Variants in WDR89 observed in about 807,000 individuals in gnomAD.
WDR89 encodes WD repeat domain 89.
Under a neutral mutation model 29.1 loss-of-function variants are expected in WDR89, and 17 were observed. The ratio of observed to expected loss-of-function variants is 0.58; its 90% CI spans 0.40 to 0.88. The LOEUF (loss-of-function observed/expected upper bound fraction) is 0.88, where lower values mean the gene tolerates loss of function less well. Ranked by LOEUF, WDR89 falls within the 40% of genes least tolerant of loss-of-function variation. WDR89 has a pLI of 0.00. For missense variants in WDR89, 396 were observed against 456.3 expected (o/e 0.87, Z 1.20); for synonymous variants, 138 against 157.8 (o/e 0.87, Z 0.94).
chr14:63,602,892 G>A (rs935301099), intron 2 of WDR89, among the ~76,000 whole-genome samples: 1 of 152,012 alleles, frequency 6.6e-6, no homozygotes, highest in Non-Finnish European at 1.5e-5. Flanking sequence ...ATATTAGTAA[G>A]TTGGATTTGG....
rs1228867066 is a variant in WDR89, at chr14:63,598,452, C to G, written c.*327G>C. ...ACTGGGCTTAAAAAATGCAGCCAAC[C>G]ACCTGTTTTATTAAGTTTTACCAAG... is the stretch of plus-strand genomic sequence containing the variant. On this transcript the variant is annotated 3_prime_UTR_variant, in exon 3 of 3. Coordinates refer to ENST00000620954, the MANE Select transcript of WDR89 (RefSeq NM_080666.4). The G allele has an allele frequency of 1.1e-5, 2 of 182,306 alleles. No individual in the cohort carries two copies. The highest frequency in any genetic ancestry group is 1.2e-4 in the Admixed American group (2 of 16,732). 11.3% of individuals were successfully genotyped at this position (182,306 alleles called of 1,614,324 possible).
At chr14:63,623,197 C>CAAAAAAAA (rs35075730) in intron 2 of WDR89, among the ~76,000 whole-genome samples, 1 of 71,750 alleles carries the variant, frequency 1.4e-5, no homozygotes, top group Non-Finnish European at 3.2e-5. Flanking sequence ...AACCAGGTCT[C>CAAAAAAAA]AAAAAAAAAA....
At chr14:63,631,472 C>A (rs983273358) in intron 1 of WDR89, among the ~76,000 whole-genome samples, 1 of 151,966 alleles carries the variant, frequency 6.6e-6, no homozygotes, top group Non-Finnish European at 1.5e-5. Context: ...CTCAAGCAAT[C>A]GTGCCACCTC....
At position 63,636,846 on chromosome 14, in the gene WDR89, T is replaced by C. The variant is rs529346195; in HGVS notation, c.-138+4958A>G. Among the ~76,000 whole-genome samples the C allele has an allele frequency of 9.8e-5, 15 of 152,310 alleles. No homozygotes were observed. The East Asian group carries it at 1.4e-3, about 14-fold the overall frequency. Reference sequence around the variant, plus strand: ...AACATTGGAAAAACCCTTCTAGACATTGGCTTAGGCAAGGATTTCATGACC... The same window carrying C: ...AACATTGGAAAAACCCTTCTAGACACTGGCTTAGGCAAGGATTTCATGACC... On this transcript the variant is annotated intron_variant, in intron 1 of 2. Coordinates refer to ENST00000620954, the MANE Select transcript of WDR89 (RefSeq NM_080666.4).
At chr14:63,633,475 A>G (rs1883536498) in intron 1 of WDR89, among the ~76,000 whole-genome samples, 2 of 152,228 alleles carry the variant, frequency 1.3e-5, no homozygotes, top group African/African-American at 2.4e-5. Flanking sequence ...CTCAGACAAT[A>G]AAGCAATATT....
chr14:63,622,377 C>A (rs369662556), intron 2 of WDR89, among the ~76,000 whole-genome samples: 3 of 151,742 alleles, frequency 2.0e-5, no homozygotes, highest in African/African-American at 7.3e-5. Context: ...GTCAGGAGTT[C>A]GAGACCAGCC....
chr14:63,602,686 C>T (rs1222110777), intron 2 of WDR89, among the ~76,000 whole-genome samples: 9 of 150,994 alleles, frequency 6.0e-5, no homozygotes, highest in African/African-American at 1.7e-4. Flanking sequence ...GCAGGAGAAT[C>T]GCTTGAACCC....
At chr14:63,626,159 T>C (rs80229757) in intron 1 of WDR89, among the ~76,000 whole-genome samples, 11,956 of 151,844 alleles carry the variant, frequency 0.079, 840 homozygotes, top group African/African-American at 0.19. Flanking sequence ...CCCATGAAGG[T>C]AAAAAGTGAG....
chr14:63,613,702 A>C (rs999487540), intron 2 of WDR89, among the ~76,000 whole-genome samples: 1 of 151,632 alleles, frequency 6.6e-6, no homozygotes, highest in Non-Finnish European at 1.5e-5. Context: ...GGGTTTCAAC[A>C]TCTTGGCCAG....
intron 2 of WDR89, among the ~76,000 whole-genome samples, chr14:63,607,943 C>A (rs1881691951): frequency 1.3e-5 from 2 of 150,888 alleles, no homozygotes; most frequent in Admixed American, 6.6e-5. Context: ...AGCAGTGGCT[C>A]ATGCCTGTAA....
chr14:63,621,592 T>C (rs555304802), intron 2 of WDR89, among the ~76,000 whole-genome samples: 1 of 152,012 alleles, frequency 6.6e-6, no homozygotes, highest in East Asian at 1.9e-4. Context: ...AGCAAGACTC[T>C]GTCTCAAAAA....
intron 2 of WDR89, among the ~76,000 whole-genome samples, chr14:63,617,567 T>C (rs895910226): frequency 1.9e-4 from 29 of 152,160 alleles, no homozygotes; most frequent in Admixed American, 1.7e-3. Context: ...CTCGGCTCAC[T>C]GTAACCTCCC....
rs972836310 is a variant in WDR89, at chr14:63,625,874, TGA to T, written c.-137-843_-137-842del. Reference sequence around the variant, plus strand: ...TAGAAGAGGACTTTTTTTTTTTTTTTGAGACAGTCTAGCTCTGTCACCAGGCT... The same window carrying T: ...TAGAAGAGGACTTTTTTTTTTTTTTTGACAGTCTAGCTCTGTCACCAGGCT... On this transcript the variant is annotated intron_variant, in intron 1 of 2. Transcript: ENST00000620954. Among the ~76,000 whole-genome samples, 14 of 150,774 alleles carry T rather than the reference TGA, an allele frequency of 9.3e-5. No individual in the cohort carries two copies. In the South Asian group the frequency reaches 1.7e-3, roughly 18 times the overall value.
At chr14:63,620,466 G>A (rs566831916) in intron 2 of WDR89, among the ~76,000 whole-genome samples, 51 of 152,200 alleles carry the variant, frequency 3.4e-4, no homozygotes, top group Non-Finnish European at 6.5e-4. Flanking sequence ...GGCTGGGGAG[G>A]AGGGAGAATC....
intron 2 of WDR89, among the ~76,000 whole-genome samples, chr14:63,617,566 C>A (rs886400393): frequency 1.3e-5 from 2 of 152,142 alleles, no homozygotes; most frequent in Admixed American, 6.5e-5. Context: ...TCTCGGCTCA[C>A]TGTAACCTCC....
At chr14:63,604,543 T>C (rs1281807795) in intron 2 of WDR89, among the ~76,000 whole-genome samples, 2 of 152,244 alleles carry the variant, frequency 1.3e-5, no homozygotes, top group African/African-American at 4.8e-5. Flanking sequence ...TTTTTTACTG[T>C]ATCTGCCTCA....
intron 2 of WDR89, among the ~76,000 whole-genome samples, chr14:63,615,037 G>C (rs1882219881): frequency 6.6e-6 from 1 of 152,198 alleles, no homozygotes; most frequent in African/African-American, 2.4e-5. Flanking sequence ...CTGTTACTAA[G>C]GAAAAGGGGG....
intron 1 of WDR89, among the ~76,000 whole-genome samples, chr14:63,633,323 A>T (rs1883526653): frequency 6.6e-6 from 1 of 151,962 alleles, no homozygotes; most frequent in Non-Finnish European, 1.5e-5. Flanking sequence ...TAAAAATGCT[A>T]CCCTAATTCA....
intron 1 of WDR89, among the ~76,000 whole-genome samples, chr14:63,638,627 C>T (rs952795011): frequency 6.6e-6 from 1 of 152,036 alleles, no homozygotes. Flanking sequence ...GCTTTGTTTC[C>T]AAATATCACA....
Sources: allele counts gnomAD v4.1 joint callset (sites outside exome capture counted in the v4.1 genomes callset), GRCh38; gene constraint gnomAD v4.1.1; transcripts MANE v1.5; gene names NCBI Gene and HGNC (gene_info 2026-07-23, HGNC 2026-07-21).